Variants in SGSM3 observed in about 807,000 individuals in gnomAD.
The protein encoded by SGSM3 is small G protein signaling modulator 3, also known as RUN and SH3 containing 3.
A neutral mutation model predicts 100.5 loss-of-function variants in SGSM3; 96 were observed. The observed-to-expected ratio is 0.96, with a 90% confidence interval of 0.81 to 1.13. The LOEUF (loss-of-function observed/expected upper bound fraction) is 1.13. Among genes scored for constraint, SGSM3 ranks in the 50% most tolerant of loss-of-function variants. SGSM3 has a pLI of 0.00. For missense variants in SGSM3, 1,001 were observed against 1,015.8 expected, an observed-to-expected ratio of 0.99 and a Z score of 0.20; for synonymous variants, 483 against 422.8, an observed-to-expected ratio of 1.14 and a Z score of -1.75.
At position 40,400,696 on chromosome 22, in the gene SGSM3, G is replaced by A; in HGVS notation, c.-111G>A. 1 of 1,017,080 alleles carries A rather than the reference G, an allele frequency of 9.8e-7. No individual in the cohort carries two copies. Among genetic ancestry groups the A allele is most frequent in the African/African-American group, 1.6e-5 (1 of 61,714 alleles). 63.0% of individuals were successfully genotyped at this position (1,017,080 alleles called of 1,614,324 possible). A position where few individuals can be genotyped will look rare whatever the true frequency, so the allele number is the denominator to read the frequency against. On this transcript the variant is annotated splice_region_variant and 5_prime_UTR_variant, in exon 2 of 22. Transcript: ENST00000248929. Reference sequence around the variant, plus strand: ...ACTTTCCTCTTTTCTCTTCTAACAGGGCAGATGATTCTGGACCAGATGAAG... The same window carrying A: ...ACTTTCCTCTTTTCTCTTCTAACAGAGCAGATGATTCTGGACCAGATGAAG...
chr22:40,383,470 A>G (rs2146822822), intron 1 of SGSM3, among the ~76,000 whole-genome samples: 2 of 151,746 alleles, frequency 1.3e-5, no homozygotes, highest in Middle Eastern at 6.8e-3. Flanking sequence ...CTGTCTCAAA[A>G]AAAAAAAAAA....
Position 40,409,880 on chromosome 22 carries a change from G to C in SGSM3, c.*121G>C. 6.9e-7 allele frequency: 1 copy of C among 1,449,604 alleles called. No homozygotes were observed. Among genetic ancestry groups the C allele is most frequent in the Non-Finnish European group, 9.0e-7 (1 of 1,108,132 alleles). The allele number at this position is 1,449,604 out of a possible 1,614,324, so 89.8% of individuals were successfully genotyped here. On this transcript the variant is annotated 3_prime_UTR_variant, in exon 22 of 22. Coordinates refer to ENST00000248929, the MANE Select transcript of SGSM3 (RefSeq NM_015705.6). ...CGGGGCCGCGGGATATCAATATCAG[G>C]CTGCCCCACTCCACGTTCCCCAGCA...
chr22:40,407,864 T>C lies in SGSM3; in HGVS notation c.1579+21T>C, dbSNP rs1437835700. ...GCGAGGTGGGGTCCTTGGTCTGCTCTTGAGCTGGGAGAGGGAGGAGGGGGT... is the reference window on the plus strand; with the variant it reads ...GCGAGGTGGGGTCCTTGGTCTGCTCCTGAGCTGGGAGAGGGAGGAGGGGGT... On this transcript the variant is annotated intron_variant, in intron 14 of 21. Coordinates refer to ENST00000248929, the MANE Select transcript of SGSM3 (RefSeq NM_015705.6). This position sits in a 1 kb window ranked among gnomAD's most constrained non-coding sequence, Gnocchi z 4.7. 3 of 1,602,424 alleles carry C rather than the reference T, an allele frequency of 1.9e-6. No individual in the cohort carries two copies. The African/African-American group carries it at 4.0e-5, about 21-fold the overall frequency.
rs1321303524 is a variant in SGSM3, at chr22:40,370,626, T to G, written c.-174T>G. ...CGCTTAGGCGCCGCTGAGCGCTGACTGGGTGCGAGTGGGGAAGCTGCTAAC... is the reference window on the plus strand; with the variant it reads ...CGCTTAGGCGCCGCTGAGCGCTGACGGGGTGCGAGTGGGGAAGCTGCTAAC... On this transcript the variant is annotated 5_prime_UTR_variant, in exon 1 of 22. Coordinates refer to ENST00000248929, the MANE Select transcript of SGSM3 (RefSeq NM_015705.6). 1 of 152,478 alleles carries G rather than the reference T, an allele frequency of 6.6e-6. No homozygotes were observed. Among genetic ancestry groups the G allele is most frequent in the Non-Finnish European group, 1.5e-5 (1 of 68,234 alleles). 9.4% of individuals were successfully genotyped at this position (152,478 alleles called of 1,614,324 possible).
chr22:40,405,681 G>T lies in SGSM3; in HGVS notation c.651G>T (p.Glu217Asp). The T allele has an allele frequency of 6.2e-7, 1 of 1,613,692 alleles. No individual in the cohort carries two copies. Among genetic ancestry groups the T allele is most frequent in the Middle Eastern group, 1.7e-4 (1 of 6,054 alleles). ...CCTGCCTCCTGCTGTTCCTGGAGGA[G>T]GAGGACGCCTTCTGGATGATGTCTG... The part of the protein sequence containing the change: ...VAACLLLFLE[E>D]EDAFWMMSAI... The change falls in exon 8 of 22, where the codon GAG becomes GAT. Residue 217 changes from glutamate (E) to aspartate (D), a missense_variant. Transcript: ENST00000248929.
intron 21 of SGSM3, 47 bp from the exon 22 acceptor site, chr22:40,409,635 C>T (rs747746208): frequency 1.2e-6 from 2 of 1,613,298 alleles, no homozygotes; most frequent in Admixed American, 3.3e-5. Flanking sequence ...AGGAACTACC[C>T]CAGCCATGCC....
chr22:40,388,589 T>C (rs2048840573), intron 1 of SGSM3, among the ~76,000 whole-genome samples: 1 of 151,438 alleles, frequency 6.6e-6, no homozygotes, highest in African/African-American at 2.4e-5. Flanking sequence ...GGGAGGGAAA[T>C]GATCAGTTGT....
Position 40,405,144 on chromosome 22 carries a change from G to A in SGSM3, c.478G>A (p.Glu160Lys), listed in dbSNP as rs1201915238. The A allele has an allele frequency of 1.8e-5, 28 of 1,514,512 alleles. No individual in the cohort carries two copies. Among genetic ancestry groups the A allele is most frequent in the Non-Finnish European group, 2.5e-5 (28 of 1,129,672 alleles). 93.8% of individuals were successfully genotyped at this position (1,514,512 alleles called of 1,614,324 possible). A position where few individuals can be genotyped will look rare whatever the true frequency, so the allele number is the denominator to read the frequency against. The part of the protein sequence containing the change: ...NDETIAAKQI[E>K]KDLLRTMPSN... Reference sequence around the variant, plus strand: ...GGTGCCGATGGCTGCCTGACAGATCGAGAAGGACCTGCTCCGCACCATGCC... The same window carrying A: ...GGTGCCGATGGCTGCCTGACAGATCAAGAAGGACCTGCTCCGCACCATGCC... The change falls in exon 7 of 22, where the codon GAG becomes AAG. Residue 160 changes from glutamate to lysine, a missense_variant. Glu to Lys is a moderately conservative substitution (Grantham distance 56). Transcript: ENST00000248929.
At chr22:40,406,271 G>A (rs1384436242) in intron 9 of SGSM3, 48 bp downstream of exon 9, 4 of 1,607,616 alleles carry the variant, frequency 2.5e-6, no homozygotes, top group South Asian at 2.2e-5. Flanking sequence ...CCCGAGATGG[G>A]GGGCAGGGGA....
At chr22:40,405,569 G>C (rs962299198) in intron 7 of SGSM3, 80 bp from the exon 8 acceptor site, 4 of 1,307,490 alleles carry the variant, frequency 3.1e-6, no homozygotes, top group Admixed American at 2.2e-5. Flanking sequence ...TTTGCTAATT[G>C]GTCTCCCTAG....
Position 40,407,593 on chromosome 22 carries a change from G to A in SGSM3, c.1524+25G>A. The A allele has an allele frequency of 1.9e-6, 3 of 1,598,862 alleles. No individual in the cohort carries two copies. ...AGTGCGTGGGGGCGCTGGACTACCAGGTCCTCAGGCTGTGGCGGGTTCCCC... is the reference window on the plus strand; with the variant it reads ...AGTGCGTGGGGGCGCTGGACTACCAAGTCCTCAGGCTGTGGCGGGTTCCCC... On this transcript the variant is annotated intron_variant, in intron 13 of 21. Coordinates refer to ENST00000248929, the MANE Select transcript of SGSM3 (RefSeq NM_015705.6). The surrounding 1 kb of genome is among the most constrained non-coding windows in gnomAD (Gnocchi z 4.7).
At position 40,406,138 on chromosome 22, in the gene SGSM3, AGCT is replaced by A. The variant is rs750106719; in HGVS notation, c.879_881del (p.Leu295del). On this transcript the variant is annotated inframe_deletion, in exon 9 of 22. Coordinates refer to ENST00000248929, the MANE Select transcript of SGSM3 (RefSeq NM_015705.6). The stretch of plus-strand genomic sequence containing the variant: ...GCCTTCGCCAGCGTGGTGGACATCA[AGCT>A]GCTCCTGCGCATCTGGGACCTGTTT... 6.2e-7 allele frequency: 1 copy of A among 1,614,150 alleles called. No individual in the cohort carries two copies. The highest frequency in any genetic ancestry group is 1.1e-5 in the South Asian group (1 of 91,084).
chr22:40,408,345 G>C lies in SGSM3; in HGVS notation c.1698G>C (p.Pro566=). ...ACCTCGTGCGAGGGACCCTCTGCCC[G>C]GCCCTTAAGGCCCTGTTCGAACATG... ...VTDLVRGTLC[P]ALKALFEHGL... The change falls in exon 16 of 22, where the codon CCG becomes CCC. Residue 566 remains proline, a synonymous_variant. Transcript: ENST00000248929. 6.2e-7 allele frequency: 1 copy of C among 1,613,518 alleles called. No individual in the cohort carries two copies. Among genetic ancestry groups the C allele is most frequent in the Non-Finnish European group, 8.5e-7 (1 of 1,179,982 alleles).
At chr22:40,375,910 G>A (rs978320786) in intron 1 of SGSM3, among the ~76,000 whole-genome samples, 2 of 151,904 alleles carry the variant, frequency 1.3e-5, no homozygotes, top group African/African-American at 4.8e-5. Flanking sequence ...ATATGGTGGC[G>A]TGTGCTTGTG....
chr22:40,374,982 C>T (rs1214446116), intron 1 of SGSM3, among the ~76,000 whole-genome samples: 1 of 152,136 alleles, frequency 6.6e-6, no homozygotes, highest in African/African-American at 2.4e-5. Context: ...TTGACAGCAC[C>T]ATTGTTTGAA....
Position 40,405,159 on chromosome 22 carries a change from C to T in SGSM3, c.493C>T (p.Arg165Cys), listed in dbSNP as rs139798144. ...CTGACAGATCGAGAAGGACCTGCTC[C>T]GCACCATGCCCAGCAACGCCTGCTT... ...AAKQIEKDLL[R>C]TMPSNACFAS... is the part of the protein sequence containing the mutation. Residue 165 changes from arginine (R) to cysteine (C), a missense_variant, in exon 7 of 22, where the codon CGC becomes TGC. Transcript: ENST00000248929. 27 of 1,564,778 alleles carry T rather than the reference C, an allele frequency of 1.7e-5. No individual in the cohort carries two copies. Among genetic ancestry groups the T allele is most frequent in the South Asian group, 3.5e-5 (3 of 84,752 alleles).
Position 40,404,321 on chromosome 22 carries a change from C to T in SGSM3, c.232C>T (p.Gln78Ter). The T allele has an allele frequency of 6.3e-7, 1 of 1,583,048 alleles. No homozygotes were observed. The highest frequency in any genetic ancestry group is 2.2e-5 in the East Asian group (1 of 44,614). Residue 78 changes from glutamine (Q) to a stop codon, truncating the protein, a stop_gained, in exon 5 of 22, where the codon CAG becomes TAG. Transcript: ENST00000248929. LOFTEE classifies it high-confidence loss of function. ...GGATGCTCCACAGAGGCTGCGGTGGCAGGCCCACCTGGAGTTCACCCATAA... is the reference window on the plus strand; with the variant it reads ...GGATGCTCCACAGAGGCTGCGGTGGTAGGCCCACCTGGAGTTCACCCATAA... Reference protein sequence around the residue: ...MEDAPQRLRWQAHLEFTHNHD... With the variant: ...MEDAPQRLRW
chr22:40,405,572 C>A, intron 7 of SGSM3, 77 bp from the exon 8 acceptor site: 1 of 1,344,984 alleles, frequency 7.4e-7, no homozygotes, highest in South Asian at 1.4e-5. Context: ...GCTAATTGGT[C>A]TCCCTAGGGT....
intron 9 of SGSM3, 34 bp downstream of exon 9, chr22:40,406,257 G>C: frequency 1.2e-6 from 2 of 1,611,532 alleles, no homozygotes; most frequent in Non-Finnish European, 1.7e-6. Context: ...CTGAGGAGTA[G>C]GCACCCGAGA....
Sources: allele counts gnomAD v4.1 joint callset (sites outside exome capture counted in the v4.1 genomes callset), GRCh38; gene constraint gnomAD v4.1.1; non-coding constraint Gnocchi (gnomAD v3.1); transcripts MANE v1.5; gene names NCBI Gene and HGNC (gene_info 2026-07-23, HGNC 2026-07-21).